The following DPY19L3 variants were observed in gnomAD, a reference collection of about 807,000 sequenced individuals.
The protein encoded by DPY19L3 is protein C-mannosyl-transferase DPY19L3.
A neutral mutation model predicts 92.3 loss-of-function variants in DPY19L3; 51 were observed. That is an observed-to-expected ratio of 0.55 (90% CI 0.44 to 0.70). The LOEUF is 0.70. DPY19L3 is among the 30% of genes least tolerant of loss of function. The pLI, the probability that DPY19L3 is intolerant of heterozygous loss-of-function variation, is 0.00. For synonymous variants in DPY19L3, 309 were observed against 315.2 expected (o/e 0.98, Z 0.21); for missense variants, 706 against 855.9 (o/e 0.82, Z 2.18).
intron 3 of DPY19L3, among the ~76,000 whole-genome samples, chr19:32,414,154 C>T (rs1191074477): frequency 6.6e-6 from 1 of 152,088 alleles, no homozygotes; most frequent in Non-Finnish European, 1.5e-5. Flanking sequence ...GGCGCAGTGG[C>T]TCACACCTTT....
At chr19:32,427,986 T>TC (rs2145457026) in intron 3 of DPY19L3, 1 of 150,292 alleles carries the variant, frequency 6.7e-6, no homozygotes, top group East Asian at 1.9e-4. Context: ...TTTTTTTTTT[T>TC]TTTGAGACAG....
chr19:32,437,229 C>T lies in DPY19L3; in HGVS notation c.486C>T (p.Thr162=), dbSNP rs1415565974. The change falls in exon 6 of 19, where the codon ACC becomes ACT. Residue 162 remains threonine, a synonymous_variant. Transcript: ENST00000392250. ...YLEPVYFYIY[T]LFGLQAIYVT... Reference sequence around the variant, plus strand: ...AGCCAGTTTATTTTTATATTTACACCTTATTTGGGCTCCAGGCGATCTATG... The same window carrying T: ...AGCCAGTTTATTTTTATATTTACACTTTATTTGGGCTCCAGGCGATCTATG... The T allele has an allele frequency of 6.2e-7, 1 of 1,613,992 alleles. No individual in the cohort carries two copies. Among genetic ancestry groups the T allele is most frequent in the South Asian group, 1.1e-5 (1 of 91,078 alleles).
intron 16 of DPY19L3, among the ~76,000 whole-genome samples, chr19:32,469,698 G>A (rs1970299599): frequency 1.3e-5 from 2 of 152,150 alleles, no homozygotes; most frequent in South Asian, 4.1e-4. Flanking sequence ...ATGCTTTAGT[G>A]TCCTATTGGC....
intron 3 of DPY19L3, among the ~76,000 whole-genome samples, chr19:32,430,730 TC>T (rs1568333121): frequency 6.6e-6 from 1 of 150,646 alleles, no homozygotes; most frequent in Non-Finnish European, 1.5e-5. Context: ...TCTCAATCGA[TC>T]CCCCTTCCTC....
At chr19:32,466,972 A>C (rs1316698780) in intron 15 of DPY19L3, among the ~76,000 whole-genome samples, 3 of 152,196 alleles carry the variant, frequency 2.0e-5, no homozygotes, top group Non-Finnish European at 2.9e-5. Flanking sequence ...TCAAAGCCTG[A>C]TTTCAGTTTT....
intron 12 of DPY19L3, among the ~76,000 whole-genome samples, chr19:32,460,224 G>A (rs1270858315): frequency 1.3e-5 from 2 of 151,834 alleles, no homozygotes; most frequent in Non-Finnish European, 2.9e-5. Context: ...AACATAGCAA[G>A]ACCGCATCTC....
intron 6 of DPY19L3, 113 bp downstream of exon 6, chr19:32,437,452 T>G: frequency 7.7e-7 from 1 of 1,296,822 alleles, no homozygotes; most frequent in Non-Finnish European, 1.0e-6. Flanking sequence ...TTGGGAGCAG[T>G]TTCTCTTTGG....
At chr19:32,422,065 A>G (rs1167913522) in intron 3 of DPY19L3, among the ~76,000 whole-genome samples, 1 of 152,204 alleles carries the variant, frequency 6.6e-6, no homozygotes, top group African/African-American at 2.4e-5. Flanking sequence ...ACTTCCTGCA[A>G]GTAGCTTGTG....
chr19:32,445,452 A>AAAAAAAAAAAAAAAAC (rs1969465346), intron 8 of DPY19L3, among the ~76,000 whole-genome samples: 1 of 149,094 alleles, frequency 6.7e-6, no homozygotes, highest in Admixed American at 6.7e-5. Flanking sequence ...AAAAAAAAAA[A>AAAAAAAAAAAAAAAAC]AAAAAAAAAC....
At chr19:32,473,771 G>T (rs756437688) in intron 16 of DPY19L3, among the ~76,000 whole-genome samples, 1 of 152,208 alleles carries the variant, frequency 6.6e-6, no homozygotes, top group Middle Eastern at 3.2e-3. Flanking sequence ...ACTGTCCTCA[G>T]AAGTCAGTCA....
At chr19:32,467,892 T>C in intron 15 of DPY19L3, 1 of 985,302 alleles carries the variant, frequency 1.0e-6, no homozygotes, top group Non-Finnish European at 1.2e-6. Context: ...TACATTTTAT[T>C]TAGAAAACCT....
At chr19:32,442,668 A>G (rs1306243956) in intron 8 of DPY19L3, among the ~76,000 whole-genome samples, 1 of 152,162 alleles carries the variant, frequency 6.6e-6, no homozygotes, top group Non-Finnish European at 1.5e-5. Flanking sequence ...GGGAATAACA[A>G]TGGACTCAAA....
At chr19:32,468,855 T>C (rs759796153) in intron 16 of DPY19L3, 42 bp downstream of exon 16, 4 of 1,602,054 alleles carry the variant, frequency 2.5e-6, no homozygotes, top group African/African-American at 1.3e-5. Flanking sequence ...TAAGTGCCTT[T>C]TAAGAGTCAC....
At chr19:32,425,673 T>C (rs941996887) in intron 3 of DPY19L3, among the ~76,000 whole-genome samples, 5 of 152,190 alleles carry the variant, frequency 3.3e-5, no homozygotes, top group Admixed American at 3.3e-4. Flanking sequence ...GCATTATCAA[T>C]GAGCAGTAGT....
At chr19:32,411,686 G>T in intron 3 of DPY19L3, 1 of 336,450 alleles carries the variant, frequency 3.0e-6, no homozygotes, top group South Asian at 1.0e-4. Context: ...TTCTGGCTTA[G>T]CCTCCCAAGT....
intron 4 of DPY19L3, among the ~76,000 whole-genome samples, chr19:32,435,707 A>G (rs1217525687): frequency 6.6e-6 from 1 of 152,200 alleles, no homozygotes; most frequent in African/African-American, 2.4e-5. Flanking sequence ...AATAGGAGCA[A>G]GGTTGAGGAT....
intron 8 of DPY19L3, among the ~76,000 whole-genome samples, chr19:32,442,424 C>T (rs536276410): frequency 6.6e-6 from 1 of 152,286 alleles, no homozygotes; most frequent in South Asian, 2.1e-4. Context: ...GTTAAGTACC[C>T]TACATGGTTC....
At chr19:32,480,336 C>G in intron 17 of DPY19L3, 63 bp from the exon 18 acceptor site, 3 of 1,544,864 alleles carry the variant, frequency 1.9e-6, no homozygotes, top group Non-Finnish European at 1.8e-6. Flanking sequence ...GGTTACATCA[C>G]ATAGTTAACT....
chr19:32,428,780 A>G (rs1968855290), intron 3 of DPY19L3, among the ~76,000 whole-genome samples: 1 of 149,034 alleles, frequency 6.7e-6, no homozygotes, highest in African/African-American at 2.5e-5. Context: ...CATCTATTAA[A>G]TTGCTATATA....
Sources: gnomAD v4.1 joint callset for allele counts (sites outside exome capture counted in the v4.1 genomes callset) on GRCh38, gnomAD v4.1.1 for gene constraint, MANE v1.5 for transcripts, NCBI Gene and HGNC (gene_info 2026-07-23, HGNC 2026-07-21) for gene names.